SAMHD1: variants seen among roughly 807,000 people sequenced by gnomAD.
SAMHD1 encodes deoxynucleoside triphosphate triphosphohydrolase SAMHD1.
SAMHD1 carries 54 observed loss-of-function variants against 79.6 expected under a neutral mutation model. The observed-to-expected ratio is 0.68, with a 90% confidence interval of 0.55 to 0.85. The LOEUF (loss-of-function observed/expected upper bound fraction) is 0.85, where lower values mean the gene tolerates loss of function less well. SAMHD1 is among the 40% of genes least tolerant of loss of function. The pLI is 0.00. For missense variants in SAMHD1, 663 were observed against 782.7 expected (o/e 0.85, Z 1.82); for synonymous variants, 260 against 264.1 (o/e 0.98, Z 0.15).
intron 5 of SAMHD1, among the ~76,000 whole-genome samples, chr20:36,929,689 T>C (rs1306274959): frequency 6.6e-6 from 1 of 151,980 alleles, no homozygotes; most frequent in Non-Finnish European, 1.5e-5. Context: ...CTCCAATCTG[T>C]GTGACAGAGC....
chr20:36,947,233 C>T (rs2063692588), intron 1 of SAMHD1, among the ~76,000 whole-genome samples: 2 of 151,508 alleles, frequency 1.3e-5, no homozygotes, highest in East Asian at 1.9e-4. Flanking sequence ...AAGTTAAAAC[C>T]GTGAATTCAA....
In SAMHD1 at chr20:36,926,034, A is replaced by G. The variant is rs1053146851; in HGVS notation, c.696+1148T>C. On this transcript the variant is annotated intron_variant, in intron 6 of 15. Coordinates refer to ENST00000646673, the MANE Select transcript of SAMHD1 (RefSeq NM_015474.4). Reference sequence around the variant, plus strand: ...TATTTTTATTTTTATAAAATAATGTATTTCTGCTGAATGTATTTCTTGTTT... The same window carrying G: ...TATTTTTATTTTTATAAAATAATGTGTTTCTGCTGAATGTATTTCTTGTTT... 3.3e-5 allele frequency among the ~76,000 whole-genome samples: 5 copies of G among 152,212 alleles called. No homozygotes were observed. In the South Asian group the frequency reaches 1.0e-3, roughly 32 times the overall value.
At chr20:36,911,641 T>G in intron 10 of SAMHD1, 1 of 290,604 alleles carries the variant, frequency 3.4e-6, no homozygotes. Flanking sequence ...TTAACCAAGT[T>G]AGGAAGAAAC....
chr20:36,926,248 TA>T (rs759833660), intron 6 of SAMHD1, among the ~76,000 whole-genome samples: 5 of 151,792 alleles, frequency 3.3e-5, no homozygotes, highest in Non-Finnish European at 2.9e-5. Context: ...ACGTAGGCGA[TA>T]AAAAAAAGGA....
At chr20:36,914,021 T>C (rs1158864261) in intron 9 of SAMHD1, among the ~76,000 whole-genome samples, 2 of 152,120 alleles carry the variant, frequency 1.3e-5, no homozygotes, top group African/African-American at 4.8e-5. Flanking sequence ...TGCGAAGTAG[T>C]GGGATTACAG....
intron 6 of SAMHD1, among the ~76,000 whole-genome samples, chr20:36,926,334 G>T (rs913235919): frequency 6.6e-6 from 1 of 152,132 alleles, no homozygotes; most frequent in Non-Finnish European, 1.5e-5. Context: ...GCATAAAATA[G>T]GACCTCCTAT....
intron 15 of SAMHD1, chr20:36,893,530 T>A: frequency 3.6e-6 from 1 of 274,148 alleles, no homozygotes; most frequent in Non-Finnish European, 6.8e-6. Flanking sequence ...GCATCAAAGC[T>A]CTAACGTTGG....
At chr20:36,900,694 G>A (rs1039849267) in intron 13 of SAMHD1, among the ~76,000 whole-genome samples, 3 of 151,710 alleles carry the variant, frequency 2.0e-5, no homozygotes, top group African/African-American at 7.3e-5. Flanking sequence ...AGCCTCCCAA[G>A]TAGCTAGGAT....
intron 2 of SAMHD1, among the ~76,000 whole-genome samples, chr20:36,945,590 T>C (rs1435833515): frequency 1.3e-5 from 2 of 152,172 alleles, no homozygotes; most frequent in African/African-American, 2.4e-5. Context: ...TTATTTAAAA[T>C]AGGAATAAGG....
intron 11 of SAMHD1, among the ~76,000 whole-genome samples, chr20:36,908,924 T>C (rs925658173): frequency 1.3e-5 from 2 of 152,142 alleles, no homozygotes; most frequent in East Asian, 3.8e-4. Context: ...GTAAGCTATG[T>C]GATTGCTTTC....
At chr20:36,902,763 A>C (rs1364430115) in intron 13 of SAMHD1, among the ~76,000 whole-genome samples, 2 of 150,462 alleles carry the variant, frequency 1.3e-5, no homozygotes, top group Non-Finnish European at 3.0e-5. Context: ...TTTGAGATGG[A>C]GTCTCACTCT....
At chr20:36,913,243 C>T (rs1418951238) in intron 9 of SAMHD1, among the ~76,000 whole-genome samples, 1 of 151,040 alleles carries the variant, frequency 6.6e-6, no homozygotes, top group South Asian at 2.1e-4. Context: ...ATGATCTGCC[C>T]GCCTCGGCCT....
rs1241295203 is a variant in SAMHD1, at chr20:36,893,099, A to G, written c.1747-33T>C. 5 of 1,609,132 alleles carry G rather than the reference A, an allele frequency of 3.1e-6. No individual in the cohort carries two copies. The African/African-American group carries it at 4.0e-5, about 13-fold the overall frequency. On this transcript the variant is annotated intron_variant, in intron 15 of 15. Transcript: ENST00000646673. The stretch of plus-strand genomic sequence containing the variant: ...GAAGAGAGAGAAAAACAGGCAATAG[A>G]GAAAAGCCAGTTTCCATCATCTTAT...
In SAMHD1 at chr20:36,947,551, G is replaced by GGTGTGTGTGTGTGT. The variant is rs71186095; in HGVS notation, c.209-761_209-748dup. Among the ~76,000 whole-genome samples, 28 of 75,770 alleles carry GGTGTGTGTGTGTGT rather than the reference G, an allele frequency of 3.7e-4. 2 individuals are homozygous for GGTGTGTGTGTGTGT. Among genetic ancestry groups the GGTGTGTGTGTGTGT allele is most frequent in the Admixed American group, 2.9e-4 (2 of 6,954 alleles). The allele number at this position is 75,770 out of a possible 152,430, so 49.7% of individuals were successfully genotyped here. A position where few individuals can be genotyped will look rare whatever the true frequency, so the allele number is the denominator to read the frequency against. ...ACTCAATACTCTGATTTGGAAGAGG[G>GGTGTGTGTGTGTGT]GTGTGTGTGTGTGTGTGTGTGTGTG... On this transcript the variant is annotated intron_variant, in intron 1 of 15. Transcript: ENST00000646673.
At chr20:36,941,496 A>G (rs771977981) in intron 2 of SAMHD1, among the ~76,000 whole-genome samples, 2 of 152,240 alleles carry the variant, frequency 1.3e-5, no homozygotes, top group African/African-American at 2.4e-5. Context: ...TGACTCAAGC[A>G]TGAATGAAAT....
chr20:36,916,994 T>C lies in SAMHD1; in HGVS notation c.908A>G (p.Asn303Ser). 6.2e-7 allele frequency: 1 copy of C among 1,614,106 alleles called. No individual in the cohort carries two copies. The highest frequency in any genetic ancestry group is 2.2e-5 in the East Asian group (1 of 44,870). The change falls in exon 8 of 16, where the codon AAT becomes AGT. Residue 303 changes from asparagine to serine, a missense_variant. Coordinates refer to ENST00000646673, the MANE Select transcript of SAMHD1 (RefSeq NM_015474.4). ...NKSFLYEIVS[N>S]KRNGIDVDKW... The stretch of plus-strand genomic sequence containing the variant: ...GTCCACATCAATGCCATTTCTTTTA[T>C]TAGATACTATCTCATAAAGGAAGCT...
chr20:36,946,839 A>G (rs746705595), intron 1 of SAMHD1, 35 bp from the exon 2 acceptor site: 1 of 1,513,452 alleles, frequency 6.6e-7, no homozygotes, highest in Non-Finnish European at 9.1e-7. Flanking sequence ...AATGTATACA[A>G]CATATGCTTT....
chr20:36,917,072 G>A lies in SAMHD1; in HGVS notation c.853-23C>T. The A allele has an allele frequency of 2.0e-6, 3 of 1,469,474 alleles. No individual in the cohort carries two copies. The South Asian group carries it at 3.4e-5, about 17-fold the overall frequency. The allele number at this position is 1,469,474 out of a possible 1,614,324, so 91.0% of individuals were successfully genotyped here. ...CCACTGGAAGGCAAGAAAACCCACT[G>A]GAAGTTTTAGGATAGGCACCAAATC... is the stretch of plus-strand genomic sequence containing the variant. On this transcript the variant is annotated intron_variant, in intron 7 of 15. Transcript: ENST00000646673.
At chr20:36,911,364 A>T in intron 10 of SAMHD1, 31 bp from the exon 11 acceptor site, 1 of 1,414,710 alleles carries the variant, frequency 7.1e-7, no homozygotes, top group Non-Finnish European at 1.0e-6. Context: ...ATTTATGTTT[A>T]TGAGAAATTT....
Sources: gnomAD v4.1 joint callset for allele counts (sites outside exome capture counted in the v4.1 genomes callset) on GRCh38, gnomAD v4.1.1 for gene constraint, MANE v1.5 for transcripts, NCBI Gene and HGNC (gene_info 2026-07-23, HGNC 2026-07-21) for gene names.